The following AP3B2 variants were observed in gnomAD, a reference collection of about 807,000 sequenced individuals.
AP3B2 encodes adaptor related protein complex 3 subunit beta 2, also known as AP-3 complex subunit beta-2.
In AP3B2, 50 loss-of-function variants were observed where a neutral mutation model predicts 126.9. The ratio of observed to expected loss-of-function variants is 0.39; its 90% confidence interval spans 0.31 to 0.50. The LOEUF is 0.50. Among genes scored for constraint, AP3B2 ranks in the 20% least tolerant of loss-of-function variants. The pLI, the probability that AP3B2 is intolerant of heterozygous loss-of-function variation, is 0.79. For missense variants in AP3B2, 1,177 were observed against 1,426.4 expected, an observed-to-expected ratio of 0.83 and a Z score of 2.82; for synonymous variants, 541 against 565.0, an observed-to-expected ratio of 0.96 and a Z score of 0.60.
Position 82,677,380 on chromosome 15 carries a change from A to G in AP3B2, c.1382T>C (p.Leu461Pro). 1.2e-6 allele frequency: 2 copies of G among 1,613,482 alleles called. No homozygotes were observed. Among genetic ancestry groups the G allele is most frequent in the Non-Finnish European group, 1.7e-6 (2 of 1,179,666 alleles). ...GACGACCACTGACTCTGCAACCACA[A>G]GCTCTACAGAACAAAAATGAGTGTG... ...LVQLLSNRDE[L>P]VVAESVVVIK... Residue 461 changes from leucine to proline, a missense_variant, in exon 13 of 27, where the codon CTT becomes CCT. Physicochemically the swap from Leu to Pro is moderately conservative, Grantham distance 98. Coordinates refer to ENST00000535359, the MANE Select transcript of AP3B2 (RefSeq NM_001278512.2).
chr15:82,678,622 C>T (rs1463231727), intron 10 of AP3B2, among the ~76,000 whole-genome samples: 2 of 152,178 alleles, frequency 1.3e-5, no homozygotes, highest in Non-Finnish European at 2.9e-5. Flanking sequence ...CATTTCTGTC[C>T]CTGCATAATT....
chr15:82,689,024 G>T, intron 3 of AP3B2, 134 bp downstream of exon 3: 1 of 1,107,448 alleles, frequency 9.0e-7, no homozygotes, highest in Non-Finnish European at 1.3e-6. Flanking sequence ...TGGAGACAGT[G>T]TCTTCTCCTG....
intron 1 of AP3B2, 65 bp downstream of exon 1, chr15:82,709,529 G>T (rs1408629695): frequency 4.0e-6 from 5 of 1,236,414 alleles, no homozygotes; most frequent in Admixed American, 3.4e-5. Context: ...TGTCCATGGT[G>T]CCCGCGCGCC....
chr15:82,663,788 C>T lies in AP3B2; in HGVS notation c.2436+13G>A. The stretch of plus-strand genomic sequence containing the variant: ...CCCATGAGCACACCCTGACTCTGCC[C>T]CAAGGCTCTCACTGTTTTCCTGCTC... On this transcript the variant is annotated intron_variant, in intron 20 of 26. Transcript: ENST00000535359. 6.2e-7 allele frequency: 1 copy of T among 1,609,704 alleles called. No individual in the cohort carries two copies. The highest frequency in any genetic ancestry group is 8.5e-7 in the Non-Finnish European group (1 of 1,177,384).
chr15:82,697,346 T>TA (rs373607328), intron 1 of AP3B2, among the ~76,000 whole-genome samples: 3,366 of 147,208 alleles, frequency 0.023, 47 homozygotes, highest in Non-Finnish European at 0.032. Flanking sequence ...AAATAAAAAA[T>TA]AAAAAAAAAA....
rs1483580911 is a variant in AP3B2, at chr15:82,680,404, C to G, written c.1055+68G>C. The G allele has an allele frequency of 1.9e-5, 26 of 1,374,432 alleles. No individual in the cohort carries two copies. The highest frequency in any genetic ancestry group is 2.3e-5 in the Non-Finnish European group (24 of 1,060,724). The allele number at this position is 1,374,432 out of a possible 1,614,324, so 85.1% of individuals were successfully genotyped here. On this transcript the variant is annotated intron_variant, in intron 8 of 26. Coordinates refer to ENST00000535359, the MANE Select transcript of AP3B2 (RefSeq NM_001278512.2). This position sits in a 1 kb window ranked among gnomAD's most constrained non-coding sequence, Gnocchi z 6.1. ...GAAGCGGCTGGTGGGCGTGAGGGGG[C>G]GGAGCCGGGCAGCCCGTGGGGCGGG...
chr15:82,669,305 A>G (rs1452693079), intron 14 of AP3B2, among the ~76,000 whole-genome samples: 1 of 152,246 alleles, frequency 6.6e-6, no homozygotes, highest in African/African-American at 2.4e-5. Context: ...TGCAGATGAT[A>G]TGATCTTATA....
rs1406568790 is a variant in AP3B2 at position 82,709,696 on chromosome 15, G to A, written c.11C>T (p.Ala4Val). The A allele has an allele frequency of 7.4e-6, 11 of 1,489,152 alleles. No individual in the cohort carries two copies. Among genetic ancestry groups the A allele is most frequent in the Non-Finnish European group, 7.1e-6 (8 of 1,120,374 alleles). 92.2% of individuals were successfully genotyped at this position (1,489,152 alleles called of 1,614,324 possible). Residue 4 changes from alanine (A) to valine (V), a missense_variant, in exon 1 of 27, where the codon GCC becomes GTC. This residue lies in a region of AP3B2 where 49 missense variants were observed against 39.3 expected (regional missense o/e 1.25). Transcript: ENST00000535359. MSA[A>V]PAYSEDKGGS... ...GCCCTTGTCTTCGCTGTAGGCGGGG[G>A]CGGCCGACATGGGGCGGCCAGGGAG...
At chr15:82,697,249 G>C (rs2048643511) in intron 1 of AP3B2, among the ~76,000 whole-genome samples, 1 of 152,106 alleles carries the variant, frequency 6.6e-6, no homozygotes, top group Admixed American at 6.6e-5. Context: ...CAGGAGAATG[G>C]CGTGAACCCA....
intron 4 of AP3B2, chr15:82,686,423 A>G (rs1306182910): frequency 6.6e-6 from 1 of 152,238 alleles, no homozygotes; most frequent in Non-Finnish European, 1.5e-5. Flanking sequence ...TTAAAGGAAT[A>G]CATATGTAGT....
At chr15:82,691,848 AG>A in intron 1 of AP3B2, 1 of 1,322,690 alleles carries the variant, frequency 7.6e-7, no homozygotes, top group Non-Finnish European at 1.1e-6. Context: ...GGATAAACTC[AG>A]ATGTAGGAAG....
At position 82,671,541 on chromosome 15, in the gene AP3B2, A is replaced by G. The variant is rs752146617; in HGVS notation, c.1666-4608T>C. Among the ~76,000 whole-genome samples, 140 of 151,122 alleles carry G rather than the reference A, an allele frequency of 9.3e-4. 1 individual carries two copies. The highest frequency in any genetic ancestry group is 1.4e-3 in the Non-Finnish European group (98 of 67,856). ...ATCGCGAGGTCAAGAGATCAAGACCATCCTGGCCAACATGGTGAAACCCTG... is the reference window on the plus strand; with the variant it reads ...ATCGCGAGGTCAAGAGATCAAGACCGTCCTGGCCAACATGGTGAAACCCTG... On this transcript the variant is annotated intron_variant, in intron 14 of 26. Coordinates refer to ENST00000535359, the MANE Select transcript of AP3B2 (RefSeq NM_001278512.2).
intron 4 of AP3B2, 185 bp downstream of exon 4, chr15:82,688,551 C>T: frequency 1.4e-6 from 1 of 710,724 alleles, no homozygotes; most frequent in Non-Finnish European, 2.5e-6. Context: ...TACGCCCCTT[C>T]TGAGCCCAGC....
intron 1 of AP3B2, among the ~76,000 whole-genome samples, chr15:82,702,309 T>C (rs972788670): frequency 6.6e-5 from 10 of 152,212 alleles, no homozygotes; most frequent in African/African-American, 1.2e-4. Context: ...AACATCTTTA[T>C]TTCCAATTAC....
intron 25 of AP3B2, among the ~76,000 whole-genome samples, chr15:82,660,423 T>G (rs2047920716): frequency 6.6e-6 from 1 of 152,168 alleles, no homozygotes; most frequent in Non-Finnish European, 1.5e-5. Context: ...GCTGCTGTGA[T>G]CTCTCAGCCA....
At chr15:82,693,068 C>A (rs534362731) in intron 1 of AP3B2, among the ~76,000 whole-genome samples, 1 of 151,908 alleles carries the variant, frequency 6.6e-6, no homozygotes, top group African/African-American at 2.4e-5. Context: ...AACATAAACA[C>A]CACGAGACGA....
chr15:82,694,874 C>T (rs976974432), intron 1 of AP3B2, among the ~76,000 whole-genome samples: 2 of 152,076 alleles, frequency 1.3e-5, no homozygotes, highest in Admixed American at 6.6e-5. Context: ...GGTCTCTATA[C>T]CCCATTTCTG....
chr15:82,663,657 G>A, intron 20 of AP3B2, 37 bp from the exon 21 acceptor site: 1 of 1,613,434 alleles, frequency 6.2e-7, no homozygotes, highest in Non-Finnish European at 8.5e-7. Flanking sequence ...GTGGGGAAGG[G>A]GAGCACCTTG....
At chr15:82,663,644 G>A (rs2047996828) in intron 20 of AP3B2, 24 bp from the exon 21 acceptor site, 3 of 1,613,816 alleles carry the variant, frequency 1.9e-6, no homozygotes, top group Non-Finnish European at 2.5e-6. Context: ...ATGGGATGTG[G>A]GTGTGGGGAA....
Sources: gnomAD v4.1 joint callset for allele counts (sites outside exome capture counted in the v4.1 genomes callset) on GRCh38, gnomAD v4.1.1 for gene constraint, gnomAD v4.1.1 regional missense constraint, Gnocchi (gnomAD v3.1) non-coding constraint, MANE v1.5 for transcripts, NCBI Gene and HGNC (gene_info 2026-07-23, HGNC 2026-07-21) for gene names.